MATR3: variants seen among roughly 807,000 people sequenced by gnomAD.
MATR3 encodes matrin 3.
Under a neutral mutation model 85.5 loss-of-function variants are expected in MATR3, and 4 were observed. The observed-to-expected ratio is 0.05, with a 90% CI of 0.02 to 0.11. The LOEUF (loss-of-function observed/expected upper bound fraction) is 0.11. Among genes scored for constraint, MATR3 ranks in the 10% least tolerant of loss-of-function variants. MATR3 has a pLI of 1.00. For synonymous variants in MATR3, 336 were observed against 343.1 expected, an observed-to-expected ratio of 0.98 and a Z score of 0.23; for missense variants, 685 against 1,016.1, an observed-to-expected ratio of 0.67 and a Z score of 4.43.
intron 5 of MATR3, among the ~76,000 whole-genome samples, chr5:139,316,746 T>G (rs1449657783): frequency 2.0e-5 from 3 of 152,074 alleles, no homozygotes; most frequent in African/African-American, 4.8e-5. Context: ...GGCAGGGGTT[T>G]CGCGGTGTTG....
chr5:139,326,312 T>C, intron 14 of MATR3, 28 bp downstream of exon 14: 2 of 1,611,134 alleles, frequency 1.2e-6, no homozygotes, highest in Non-Finnish European at 1.7e-6. Context: ...ACAGTTCTTT[T>C]GTGAAAACTT....
Position 139,331,492 on chromosome 5 carries a change from TATA to T in MATR3, c.*2102_*2104del, listed in dbSNP as rs1334331162. 12 of 453,992 alleles carry T rather than the reference TATA, an allele frequency of 2.6e-5. No homozygotes were observed. Among genetic ancestry groups the T allele is most frequent in the Non-Finnish European group, 4.0e-5 (9 of 226,800 alleles). 28.1% of individuals were successfully genotyped at this position (453,992 alleles called of 1,614,324 possible). A position where few individuals can be genotyped will look rare whatever the true frequency, so the allele number is the denominator to read the frequency against. On this transcript the variant is annotated 3_prime_UTR_variant, in exon 15 of 15. Coordinates refer to ENST00000394805, the MANE Select transcript of MATR3 (RefSeq NM_018834.6). ...TTGAGAGCATTTAGAAATCAGAAAT[TATA>T]ATAAGCTGTTAGTGATAAATCTGTA...
intron 1 of MATR3, among the ~76,000 whole-genome samples, chr5:139,301,322 C>G (rs1340361126): frequency 2.6e-5 from 4 of 151,592 alleles, no homozygotes; most frequent in Admixed American, 2.6e-4. Context: ...CAGAATGGAG[C>G]CTTTTTTCTT....
Position 139,307,919 on chromosome 5 carries a change from G to A in MATR3, c.504G>A (p.Glu168=), listed in dbSNP as rs1344804460. 5.6e-6 allele frequency: 9 copies of A among 1,613,960 alleles called. No individual in the cohort carries two copies. Among genetic ancestry groups the A allele is most frequent in the Non-Finnish European group, 7.6e-6 (9 of 1,180,022 alleles). Residue 168 remains glutamate (E), a synonymous_variant, in exon 2 of 15, where the codon GAG becomes GAA. Transcript: ENST00000394805. This position sits in a 1 kb window ranked among gnomAD's most constrained non-coding sequence, Gnocchi z 4.4. ...YGRDGRSATR[E]PPYRVPRDDW... is the part of the protein sequence containing the mutation. ...GAGATGGCAGATCTGCTACACGGGA[G>A]CCACCATACAGAGTACCTAGGGATG... is the stretch of plus-strand genomic sequence containing the variant.
At chr5:139,274,712 G>A (rs1160899597) in intron 1 of MATR3, among the ~76,000 whole-genome samples, 1 of 152,000 alleles carries the variant, frequency 6.6e-6, no homozygotes, top group Non-Finnish European at 1.5e-5. Context: ...CGAGGCGGGC[G>A]GATGACGAGG....
At chr5:139,310,499 C>T (rs1754915136) in intron 2 of MATR3, 1 of 152,170 alleles carries the variant, frequency 6.6e-6, no homozygotes. Flanking sequence ...CCCTCTATAA[C>T]CGCTATAGAA....
At chr5:139,275,679 G>A (rs1033658727) in intron 1 of MATR3, among the ~76,000 whole-genome samples, 1 of 152,116 alleles carries the variant, frequency 6.6e-6, no homozygotes, top group Non-Finnish European at 1.5e-5. Context: ...GCTCGCTCAC[G>A]CCTGTAGTCC....
intron 2 of MATR3, among the ~76,000 whole-genome samples, chr5:139,277,153 T>C (rs1753313312): frequency 6.6e-6 from 1 of 151,352 alleles, no homozygotes; most frequent in Non-Finnish European, 1.5e-5. Flanking sequence ...TTTTTTTAAT[T>C]TGTAGAGACA....
At chr5:139,274,651 T>A (rs1028961815) in intron 1 of MATR3, among the ~76,000 whole-genome samples, 1 of 152,142 alleles carries the variant, frequency 6.6e-6, no homozygotes, top group Admixed American at 6.5e-5. Context: ...TAATGGTGAC[T>A]GTGAGGCCGG....
intron 3 of MATR3, among the ~76,000 whole-genome samples, chr5:139,285,006 T>C (rs61596563): frequency 7.9e-5 from 12 of 152,356 alleles, no homozygotes; most frequent in African/African-American, 2.9e-4. Flanking sequence ...CATCTCTTTT[T>C]TCAACAGCCC....
Position 139,330,808 on chromosome 5 carries a change from T to C in MATR3, c.*1413T>C, listed in dbSNP as rs2152036611. 2 of 454,116 alleles carry C rather than the reference T, an allele frequency of 4.4e-6. No individual in the cohort carries two copies. Among genetic ancestry groups the C allele is most frequent in the Non-Finnish European group, 4.4e-6 (1 of 226,790 alleles). The allele number at this position is 454,116 out of a possible 1,614,324, so 28.1% of individuals were successfully genotyped here. A position where few individuals can be genotyped will look rare whatever the true frequency, so the allele number is the denominator to read the frequency against. ...TTATCTGTTGTAAACAATTTTTTTT[T>C]CTTCCCTGACACAGGGTCTCACTCT... On this transcript the variant is annotated 3_prime_UTR_variant, in exon 15 of 15. Coordinates refer to ENST00000394805, the MANE Select transcript of MATR3 (RefSeq NM_018834.6).
intron 2 of MATR3, chr5:139,312,816 T>G (rs1755057755): frequency 6.6e-6 from 1 of 152,058 alleles, no homozygotes; most frequent in Non-Finnish European, 1.5e-5. Flanking sequence ...CATGCCTGGC[T>G]AATTTTTGTA....
chr5:139,280,652 A>G (rs1581199483), intron 3 of MATR3: 1 of 152,322 alleles, frequency 6.6e-6, no homozygotes, highest in Admixed American at 6.5e-5. Context: ...CTCAGCCACA[A>G]TCTCAGTCTG....
chr5:139,300,729 G>C (rs1388568032), intron 1 of MATR3, among the ~76,000 whole-genome samples: 1 of 152,198 alleles, frequency 6.6e-6, no homozygotes, highest in African/African-American at 2.4e-5. Context: ...TGCAACCTCT[G>C]CCTCCAGGGT....
intron 1 of MATR3, among the ~76,000 whole-genome samples, chr5:139,303,019 T>G (rs981801590): frequency 1.3e-5 from 2 of 152,174 alleles, no homozygotes; most frequent in Admixed American, 1.3e-4. Context: ...TCTTTCATAG[T>G]TTTATGGGTA....
At chr5:139,284,167 C>T (rs1295886309) in intron 3 of MATR3, among the ~76,000 whole-genome samples, 2 of 152,126 alleles carry the variant, frequency 1.3e-5, no homozygotes, top group Admixed American at 1.3e-4. Flanking sequence ...AGTAATACTC[C>T]AGTGAATGAG....
At chr5:139,322,990 G>C (rs1266366263) in intron 12 of MATR3, 23 bp downstream of exon 12, 1 of 1,546,520 alleles carries the variant, frequency 6.5e-7, no homozygotes. Flanking sequence ...ACATTGATTT[G>C]TTTTAATAGA....
intron 3 of MATR3, among the ~76,000 whole-genome samples, chr5:139,286,010 A>G (rs958573243): frequency 1.3e-5 from 2 of 152,212 alleles, no homozygotes; most frequent in Non-Finnish European, 2.9e-5. Context: ...AGACAAATGA[A>G]TATCCAGATC....
chr5:139,312,910 C>T (rs552634853), intron 2 of MATR3: 1 of 152,366 alleles, frequency 6.6e-6, no homozygotes, highest in South Asian at 2.1e-4. Flanking sequence ...CCTTGGCCTT[C>T]CAAAGTGCTG....
Sources: allele counts gnomAD v4.1 joint callset (sites outside exome capture counted in the v4.1 genomes callset), GRCh38; gene constraint gnomAD v4.1.1; non-coding constraint Gnocchi (gnomAD v3.1); transcripts MANE v1.5; gene names NCBI Gene and HGNC (gene_info 2026-07-23, HGNC 2026-07-21).